The following SCP2 variants were observed in gnomAD, a reference collection of about 807,000 sequenced individuals.
SCP2 encodes the protein SCP-2/3-oxoacyl-CoA thiolase.
A neutral mutation model predicts 71.4 loss-of-function variants in SCP2; 48 were observed. The ratio of observed to expected loss-of-function variants is 0.67; its 90% confidence interval spans 0.53 to 0.86. The LOEUF (loss-of-function observed/expected upper bound fraction) is 0.86. SCP2 is among the 40% of genes least tolerant of loss of function. The probability of loss-of-function intolerance (pLI) is 0.00; values close to 1 mark genes in which losing one functional copy is unlikely to be tolerated. For synonymous variants in SCP2, 220 were observed against 218.1 expected (o/e 1.01, Z -0.08); for missense variants, 560 against 655.6 (o/e 0.85, Z 1.59).
chr1:53,008,251 AAG>A (rs1208961364), intron 11 of SCP2, among the ~76,000 whole-genome samples: 2 of 152,232 alleles, frequency 1.3e-5, no homozygotes, highest in African/African-American at 4.8e-5. Flanking sequence ...TCAATAGAAA[AAG>A]AGGGAATCCT....
chr1:52,930,633 A>T (rs914010843), intron 1 of SCP2, among the ~76,000 whole-genome samples: 1 of 152,076 alleles, frequency 6.6e-6, no homozygotes. Context: ...TCTCAAAAAA[A>T]AAGTGCTGCT....
chr1:53,017,607 A>T (rs1456661547), intron 12 of SCP2, among the ~76,000 whole-genome samples: 1 of 152,192 alleles, frequency 6.6e-6, no homozygotes, highest in Non-Finnish European at 1.5e-5. Context: ...GTTGAGGCAT[A>T]TTTGGATTAT....
At chr1:52,999,466 G>A (rs539469309) in intron 11 of SCP2, among the ~76,000 whole-genome samples, 1 of 152,296 alleles carries the variant, frequency 6.6e-6, no homozygotes, top group South Asian at 2.1e-4. Flanking sequence ...CTTTGGTTGG[G>A]AACTCAGTAT....
At chr1:52,934,046 T>A (rs796270447) in intron 1 of SCP2, among the ~76,000 whole-genome samples, 31 of 152,358 alleles carry the variant, frequency 2.0e-4, no homozygotes, top group African/African-American at 7.5e-4. Context: ...TTATTGAATC[T>A]CAACCCTTAA....
intron 11 of SCP2, among the ~76,000 whole-genome samples, chr1:53,012,572 T>G (rs975112105): frequency 3.9e-5 from 6 of 152,260 alleles, no homozygotes; most frequent in African/African-American, 1.4e-4. Flanking sequence ...TTCTAGATTA[T>G]CTAGTTTTTC....
chr1:53,027,836 A>T, intron 12 of SCP2, 133 bp from the exon 13 acceptor site: 1 of 630,664 alleles, frequency 1.6e-6, no homozygotes, highest in Non-Finnish European at 2.9e-6. Flanking sequence ...CTTACTAAAG[A>T]TTTCCTTTGG....
chr1:53,050,504 A>G (rs1217349747), intron 15 of SCP2, 105 bp from the exon 16 acceptor site: 1 of 748,862 alleles, frequency 1.3e-6, no homozygotes, highest in African/African-American at 1.7e-5. Context: ...AGAGAAAGTC[A>G]TGTGACCTGG....
chr1:52,965,092 G>T (rs1328537458), intron 6 of SCP2, among the ~76,000 whole-genome samples: 1 of 152,182 alleles, frequency 6.6e-6, no homozygotes, highest in Non-Finnish European at 1.5e-5. Flanking sequence ...TTCTTTCATA[G>T]TCACTACAGT....
At chr1:52,987,623 A>G (rs1659115111) in intron 10 of SCP2, among the ~76,000 whole-genome samples, 1 of 152,078 alleles carries the variant, frequency 6.6e-6, no homozygotes, top group Non-Finnish European at 1.5e-5. Context: ...GTTTTTCCAT[A>G]TTTATTAAAA....
At chr1:52,963,493 A>G (rs951264011) in intron 6 of SCP2, 1 of 152,164 alleles carries the variant, frequency 6.6e-6, no homozygotes, top group Non-Finnish European at 1.5e-5. Context: ...AGAATCCATT[A>G]TCGGAGGTGT....
intron 11 of SCP2, chr1:52,995,440 C>T (rs191712902): frequency 1.3e-5 from 6 of 446,208 alleles, no homozygotes; most frequent in Non-Finnish European, 1.8e-5. Flanking sequence ...TCTCCACTTC[C>T]CTGGCCAGCT....
intron 11 of SCP2, among the ~76,000 whole-genome samples, chr1:53,012,971 C>A (rs1661077243): frequency 6.6e-6 from 1 of 152,120 alleles, no homozygotes; most frequent in South Asian, 2.1e-4. Flanking sequence ...CTTACATATT[C>A]ATTTATAAAG....
rs552066170 is a variant in SCP2 at position 52,957,909 on chromosome 1, A to G, written c.396+3105A>G. 2.7e-5 allele frequency among the ~76,000 whole-genome samples: 4 copies of G among 150,146 alleles called. No individual in the cohort carries two copies. In the East Asian group the frequency reaches 7.9e-4, roughly 30 times the overall value. On this transcript the variant is annotated intron_variant, in intron 5 of 15. Coordinates refer to ENST00000371514, the MANE Select transcript of SCP2 (RefSeq NM_002979.5). Reference sequence around the variant, plus strand: ...TTGTTGAAAAGATTATCTTTTTTCCATTATATTGCCTTTGCTTCTTTGTCA... The same window carrying G: ...TTGTTGAAAAGATTATCTTTTTTCCGTTATATTGCCTTTGCTTCTTTGTCA...
At chr1:52,992,890 T>C (rs1046596432) in intron 11 of SCP2, among the ~76,000 whole-genome samples, 2 of 152,202 alleles carry the variant, frequency 1.3e-5, no homozygotes, top group African/African-American at 4.8e-5. Flanking sequence ...GCAAACAGCT[T>C]AGATTCCAAA....
chr1:53,044,122 G>A (rs1346556414), intron 14 of SCP2, among the ~76,000 whole-genome samples: 4 of 151,550 alleles, frequency 2.6e-5, no homozygotes, highest in African/African-American at 9.7e-5. Flanking sequence ...GCAATGGCAC[G>A]AACTTGGCTC....
At chr1:53,003,597 G>T (rs1194885317) in intron 11 of SCP2, among the ~76,000 whole-genome samples, 1 of 152,144 alleles carries the variant, frequency 6.6e-6, no homozygotes, top group Non-Finnish European at 1.5e-5. Flanking sequence ...CATGCTTACT[G>T]CAGTCTCTAC....
At chr1:53,016,365 A>T (rs1460213986) in intron 12 of SCP2, among the ~76,000 whole-genome samples, 1 of 152,104 alleles carries the variant, frequency 6.6e-6, no homozygotes, top group African/African-American at 2.4e-5. Context: ...TTGAGGCCTA[A>T]GACTGTGACT....
At chr1:53,020,530 G>A (rs1477067145) in intron 12 of SCP2, among the ~76,000 whole-genome samples, 2 of 151,958 alleles carry the variant, frequency 1.3e-5, no homozygotes, top group Non-Finnish European at 2.9e-5. Context: ...GACTCCTGGA[G>A]TCAAGCAGTC....
At chr1:52,935,587 C>A (rs1296431231) in intron 1 of SCP2, among the ~76,000 whole-genome samples, 500 of 108,168 alleles carry the variant, frequency 4.6e-3, no homozygotes, top group African/African-American at 5.4e-3. Flanking sequence ...GAGACTCAGT[C>A]AAAAAAAAAA....
Sources: allele counts gnomAD v4.1 joint callset (sites outside exome capture counted in the v4.1 genomes callset), GRCh38; gene constraint gnomAD v4.1.1; transcripts MANE v1.5; gene names NCBI Gene and HGNC (gene_info 2026-07-23, HGNC 2026-07-21).